DAB1: variants seen among roughly 807,000 people sequenced by gnomAD.
DAB1 encodes DAB adaptor protein 1.
DAB1 carries 15 observed loss-of-function variants against 64.6 expected under a neutral mutation model. That is an observed-to-expected ratio of 0.23 (90% confidence interval 0.16 to 0.36). The LOEUF (loss-of-function observed/expected upper bound fraction) is 0.36. Among genes scored for constraint, DAB1 ranks in the 10% least tolerant of loss-of-function variants. DAB1 has a pLI of 1.00. For missense variants in DAB1, 596 were observed against 706.7 expected, an observed-to-expected ratio of 0.84 and a Z score of 1.78; for synonymous variants, 235 against 251.9, an observed-to-expected ratio of 0.93 and a Z score of 0.64.
At chr1:57,149,220 C>T (rs988701188) in intron 2 of DAB1, among the ~76,000 whole-genome samples, 1 of 151,914 alleles carries the variant, frequency 6.6e-6, no homozygotes, top group Non-Finnish European at 1.5e-5. Flanking sequence ...GTGGTTATAC[C>T]ACATTAGCTC....
intron 7 of DAB1, among the ~76,000 whole-genome samples, chr1:57,598,864 G>A (rs1031314671): frequency 6.6e-6 from 1 of 152,104 alleles, no homozygotes; most frequent in African/African-American, 2.4e-5. Context: ...TGATATGATC[G>A]AAGGTCAGCT....
chr1:57,927,320 C>G (rs1282192249), intron 5 of DAB1, among the ~76,000 whole-genome samples: 1 of 152,092 alleles, frequency 6.6e-6, no homozygotes, highest in African/African-American at 2.4e-5. Flanking sequence ...TCTCAGTCTC[C>G]CTTATTGACT....
At chr1:58,190,185 A>G (rs1490973870) in intron 4 of DAB1, among the ~76,000 whole-genome samples, 1 of 152,184 alleles carries the variant, frequency 6.6e-6, no homozygotes, top group Non-Finnish European at 1.5e-5. Flanking sequence ...CCCAATGTAA[A>G]GGACTCTAAA....
intron 7 of DAB1, chr1:57,606,112 T>C (rs1645633070): frequency 6.7e-6 from 3 of 450,950 alleles, no homozygotes; most frequent in Admixed American, 5.6e-5. Flanking sequence ...TACCATCTCC[T>C]GGGATTTTAC....
At chr1:57,015,580 C>A in intron 11 of DAB1, 149 bp from the exon 12 acceptor site, 1 of 704,580 alleles carries the variant, frequency 1.4e-6, no homozygotes, top group Non-Finnish European at 2.3e-6. Context: ...ATGAACAAGA[C>A]AAAGTCCTTG....
intron 6 of DAB1, among the ~76,000 whole-genome samples, chr1:57,819,713 C>T (rs1024276728): frequency 1.5e-4 from 23 of 152,128 alleles, no homozygotes; most frequent in African/African-American, 5.1e-4. Context: ...TTATCTTGTG[C>T]TCCCACAGCA....
chr1:57,314,837 A>T (rs1261355298), intron 1 of DAB1, among the ~76,000 whole-genome samples: 1 of 152,030 alleles, frequency 6.6e-6, no homozygotes, highest in Non-Finnish European at 1.5e-5. Flanking sequence ...AGGTACACAG[A>T]CGGGAAGAAG....
chr1:58,008,790 T>C (rs1328223507), intron 5 of DAB1, among the ~76,000 whole-genome samples: 3 of 152,182 alleles, frequency 2.0e-5, no homozygotes, highest in Admixed American at 6.6e-5. Flanking sequence ...AACCTCTTAC[T>C]GAATATGTCC....
At chr1:57,680,086 T>C (rs1190215518) in intron 6 of DAB1, among the ~76,000 whole-genome samples, 1 of 152,242 alleles carries the variant, frequency 6.6e-6, no homozygotes, top group Non-Finnish European at 1.5e-5. Flanking sequence ...CCACATGCAA[T>C]TACGGTCTTA....
chr1:57,588,925 A>C (rs1645410912), intron 7 of DAB1, among the ~76,000 whole-genome samples: 1 of 152,230 alleles, frequency 6.6e-6, no homozygotes. Flanking sequence ...AGTCCAGAAC[A>C]AAAAAAGTAG....
intron 7 of DAB1, among the ~76,000 whole-genome samples, chr1:57,461,874 A>G (rs1216076967): frequency 6.6e-6 from 1 of 151,376 alleles, no homozygotes; most frequent in Non-Finnish European, 1.5e-5. Context: ...GAATGAAACC[A>G]TGGAGGGCTC....
chr1:58,040,817 C>T (rs928813970), intron 5 of DAB1, among the ~76,000 whole-genome samples: 2 of 152,132 alleles, frequency 1.3e-5, no homozygotes, highest in African/African-American at 2.4e-5. Flanking sequence ...CAAAGTGCAA[C>T]AAAAGGCATC....
intron 6 of DAB1, among the ~76,000 whole-genome samples, chr1:57,694,113 G>T (rs759606265): frequency 6.6e-6 from 1 of 152,152 alleles, no homozygotes; most frequent in African/African-American, 2.4e-5. Context: ...TTTGATTTTT[G>T]TATAAGGTGA....
intron 7 of DAB1, chr1:57,605,819 C>A (rs576036371): frequency 8.4e-6 from 4 of 476,956 alleles, no homozygotes; most frequent in Admixed American, 7.9e-5. Context: ...TTTAAACAAC[C>A]AGTAATCAAT....
At chr1:58,037,389 A>T (rs1311929259) in intron 5 of DAB1, among the ~76,000 whole-genome samples, 4 of 152,100 alleles carry the variant, frequency 2.6e-5, no homozygotes, top group African/African-American at 2.4e-5. Flanking sequence ...GCTGTGGATG[A>T]ATACTAGTCT....
At chr1:57,391,836 G>A (rs1037973365) in intron 1 of DAB1, among the ~76,000 whole-genome samples, 1 of 151,552 alleles carries the variant, frequency 6.6e-6, no homozygotes, top group Non-Finnish European at 1.5e-5. Flanking sequence ...AGAGAGAAGA[G>A]GGAGACAGCA....
chr1:58,090,319 C>T (rs370997905), intron 5 of DAB1, among the ~76,000 whole-genome samples: 2 of 152,146 alleles, frequency 1.3e-5, no homozygotes, highest in Non-Finnish European at 2.9e-5. Context: ...GGCAGTGGCA[C>T]GCCCTTGCTG....
At chr1:57,739,774 C>T (rs1570783804) in intron 6 of DAB1, among the ~76,000 whole-genome samples, 3 of 151,642 alleles carry the variant, frequency 2.0e-5, no homozygotes, top group Admixed American at 1.3e-4. Flanking sequence ...TTTCAAATGA[C>T]ACAATCTAAC....
chr1:57,938,915 G>C (rs551134126), intron 5 of DAB1, among the ~76,000 whole-genome samples: 1 of 152,032 alleles, frequency 6.6e-6, no homozygotes, highest in East Asian at 1.9e-4. Context: ...TCAATGCTGA[G>C]CCAAACCAGT....
Sources: gnomAD v4.1 joint callset for allele counts (sites outside exome capture counted in the v4.1 genomes callset) on GRCh38, gnomAD v4.1.1 for gene constraint, MANE v1.5 for transcripts, NCBI Gene and HGNC (gene_info 2026-07-23, HGNC 2026-07-21) for gene names.